The following ZNF695 variants were observed in gnomAD, a reference collection of about 807,000 sequenced individuals.
The protein encoded by ZNF695 is zinc finger protein SBZF3.
Under a neutral mutation model 11.2 loss-of-function variants are expected in ZNF695, and 11 were observed. The ratio of observed to expected loss-of-function variants is 0.98; its 90% CI spans 0.62 to 1.62. The LOEUF (loss-of-function observed/expected upper bound fraction) is 1.62, where lower values mean the gene tolerates loss of function less well. ZNF695 is among the 40% of genes most tolerant of loss of function. The pLI is 0.00. For missense variants in ZNF695, 559 were observed against 590.5 expected, an observed-to-expected ratio of 0.95 and a Z score of 0.55; for synonymous variants, 190 against 201.4, an observed-to-expected ratio of 0.94 and a Z score of 0.48.
chr1:246,972,586 T>C (rs1481997660), intron 4 of ZNF695, among the ~76,000 whole-genome samples: 1 of 152,158 alleles, frequency 6.6e-6, no homozygotes, highest in Non-Finnish European at 1.5e-5. Flanking sequence ...AATGGCGTGA[T>C]CTCGGCTCGC....
intron 4 of ZNF695, among the ~76,000 whole-genome samples, chr1:246,974,512 G>A (rs921265963): frequency 5.3e-5 from 8 of 152,230 alleles, no homozygotes; most frequent in African/African-American, 9.6e-5. Flanking sequence ...TAGCTATATC[G>A]TATCATACAT....
At chr1:246,978,173 G>C (rs761094445) in intron 4 of ZNF695, among the ~76,000 whole-genome samples, 3 of 152,240 alleles carry the variant, frequency 2.0e-5, no homozygotes, top group Middle Eastern at 3.4e-3. Flanking sequence ...CTGACAAAAA[G>C]GCTATTTACA....
chr1:246,996,081 C>G (rs568437496), intron 3 of ZNF695: 109 of 448,466 alleles, frequency 2.4e-4, no homozygotes, highest in Admixed American at 8.4e-4. Context: ...AGTGGTGGCC[C>G]GTGCCTGTAA....
intron 4 of ZNF695, among the ~76,000 whole-genome samples, chr1:246,971,818 C>T (rs1197140879): frequency 6.6e-6 from 1 of 152,108 alleles, no homozygotes; most frequent in African/African-American, 2.4e-5. Flanking sequence ...AGCTTGTGCC[C>T]TTGGTCTCTT....
At chr1:246,984,148 T>C (rs1668780865), downstream of ZNF695, among the ~76,000 whole-genome samples, 1 of 55,706 alleles carries the variant, frequency 1.8e-5, no homozygotes, top group South Asian at 5.5e-4. Context: ...TGAGACCATG[T>C]CTCCAAAAAA....
At position 246,948,660 on chromosome 1, in the gene ZNF695, GTGTC is replaced by G. The variant is rs915242836; in HGVS notation, c.489-2837_489-2834del. ...TTAAATTAATGGTGTTGCATGAAAAGTGTCTGGCACGATGTGTGTACAATAAATA... is the reference window on the plus strand; with the variant it reads ...TTAAATTAATGGTGTTGCATGAAAAGTGGCACGATGTGTGTACAATAAATA... On this transcript the variant is annotated intron_variant, in intron 5 of 5. Coordinates refer to the ZNF695 transcript ENST00000487338. Among the ~76,000 whole-genome samples, 11 of 152,322 alleles carry G rather than the reference GTGTC, an allele frequency of 7.2e-5. No individual in the cohort carries two copies. In the East Asian group the frequency reaches 9.6e-4, roughly 13 times the overall value.
chr1:246,976,281 C>G (rs972195351), intron 4 of ZNF695, among the ~76,000 whole-genome samples: 1 of 152,184 alleles, frequency 6.6e-6, no homozygotes, highest in Non-Finnish European at 1.5e-5. Flanking sequence ...AGCACCACAA[C>G]AAGAATGAAA....
At chr1:246,966,254 C>T (rs1225525070) in intron 5 of ZNF695, among the ~76,000 whole-genome samples, 1 of 151,894 alleles carries the variant, frequency 6.6e-6, no homozygotes, top group African/African-American at 2.4e-5. Flanking sequence ...ATTGGGAGGC[C>T]AAGGCAGGCG....
At chr1:246,959,310 A>AAAATATAT (rs1558304450) in intron 5 of ZNF695, among the ~76,000 whole-genome samples, 1 of 51,250 alleles carries the variant, frequency 2.0e-5, no homozygotes, top group African/African-American at 8.8e-5. Flanking sequence ...AAAAAAAAAA[A>AAAATATAT]ATATATATAT....
intron 5 of ZNF695, among the ~76,000 whole-genome samples, chr1:246,949,188 G>A (rs1667811123): frequency 6.6e-6 from 1 of 152,162 alleles, no homozygotes; most frequent in Non-Finnish European, 1.5e-5. Flanking sequence ...AATACCATAT[G>A]ATGGTATTTT....
intron 4 of ZNF695, among the ~76,000 whole-genome samples, chr1:246,973,071 C>T (rs551065918): frequency 1.0e-4 from 15 of 149,552 alleles, no homozygotes; most frequent in South Asian, 6.3e-4. Context: ...TATTTTGAGA[C>T]GGAGTTTCAC....
At chr1:246,996,718 C>T (rs1208129174) in intron 3 of ZNF695, among the ~76,000 whole-genome samples, 1 of 152,020 alleles carries the variant, frequency 6.6e-6, no homozygotes, top group African/African-American at 2.4e-5. Context: ...TACTATGTAC[C>T]CTTAAAAATT....
At chr1:246,997,246 T>C (rs1669239801) in intron 3 of ZNF695, among the ~76,000 whole-genome samples, 1 of 152,076 alleles carries the variant, frequency 6.6e-6, no homozygotes. Flanking sequence ...CTCACGCCTA[T>C]AATCCCAGCA....
At chr1:246,962,657 A>G (rs1179352506) in intron 5 of ZNF695, among the ~76,000 whole-genome samples, 1 of 151,272 alleles carries the variant, frequency 6.6e-6, no homozygotes, top group Non-Finnish European at 1.5e-5. Context: ...ATCAGATTTC[A>G]TCACCTCTCT....
At chr1:246,989,983 A>G (rs1168280001) in intron 3 of ZNF695, among the ~76,000 whole-genome samples, 1 of 149,944 alleles carries the variant, frequency 6.7e-6, no homozygotes, top group African/African-American at 2.5e-5. Flanking sequence ...CCTGGGTGAC[A>G]CAGTGAGACC....
intron 1 of ZNF695, among the ~76,000 whole-genome samples, chr1:247,000,345 A>T (rs1669328064): frequency 6.6e-6 from 1 of 152,106 alleles, no homozygotes; most frequent in Non-Finnish European, 1.5e-5. Context: ...TCTCTGCTAA[A>T]ACCACAAAAA....
chr1:246,945,818 C>T (rs927414250), exon 6 of ZNF695: 20 of 1,549,948 alleles, frequency 1.3e-5, no homozygotes, highest in African/African-American at 8.2e-5. Flanking sequence ...CGATGGTCGA[C>T]GACTGGACCC....
downstream of ZNF695, among the ~76,000 whole-genome samples, chr1:246,984,745 T>A (rs549350020): frequency 1.3e-5 from 2 of 152,354 alleles, no homozygotes; most frequent in East Asian, 3.8e-4. Context: ...AAAATGGAAA[T>A]GTACTAATTA....
intron 5 of ZNF695, among the ~76,000 whole-genome samples, chr1:246,961,368 T>C (rs564004798): frequency 5.9e-4 from 90 of 152,310 alleles, no homozygotes; most frequent in Middle Eastern, 3.4e-3. Flanking sequence ...CTCGATAAAG[T>C]CTTTTAAAAT....
Sources: allele counts gnomAD v4.1 joint callset (sites outside exome capture counted in the v4.1 genomes callset), GRCh38; gene constraint gnomAD v4.1.1; transcripts MANE v1.5; gene names NCBI Gene and HGNC (gene_info 2026-07-23, HGNC 2026-07-21).